Variants in UNC5D observed in about 807,000 individuals in gnomAD.
UNC5D encodes netrin receptor UNC5D.
A neutral mutation model predicts 105.4 loss-of-function variants in UNC5D; 39 were observed. The ratio of observed to expected loss-of-function variants is 0.37; its 90% CI spans 0.29 to 0.48. The LOEUF is 0.48. Among genes scored for constraint, UNC5D ranks in the 20% least tolerant of loss-of-function variants. UNC5D has a pLI of 0.98. For synonymous variants in UNC5D, 452 were observed against 450.4 expected, an observed-to-expected ratio of 1.00 and a Z score of -0.04; for missense variants, 991 against 1,202.4, an observed-to-expected ratio of 0.82 and a Z score of 2.60.
intron 1 of UNC5D, among the ~76,000 whole-genome samples, chr8:35,275,289 TAGA>T (rs1456502184): frequency 6.6e-6 from 1 of 151,938 alleles, no homozygotes; most frequent in Non-Finnish European, 1.5e-5. Context: ...AGACCTTGGG[TAGA>T]AGAAATCTAA....
At chr8:35,378,210 T>G (rs1802812915) in intron 1 of UNC5D, among the ~76,000 whole-genome samples, 1 of 152,222 alleles carries the variant, frequency 6.6e-6, no homozygotes, top group Non-Finnish European at 1.5e-5. Context: ...GTACACATGA[T>G]TTTTCAATAC....
intron 1 of UNC5D, among the ~76,000 whole-genome samples, chr8:35,507,101 G>A (rs1253994875): frequency 1.3e-4 from 17 of 134,450 alleles, no homozygotes; most frequent in Non-Finnish European, 2.4e-4. Flanking sequence ...TGTCGCCCAG[G>A]CTGGAGTGCA....
At chr8:35,773,570 A>G (rs1436783163) in intron 15 of UNC5D, among the ~76,000 whole-genome samples, 1 of 152,100 alleles carries the variant, frequency 6.6e-6, no homozygotes, top group Non-Finnish European at 1.5e-5. Flanking sequence ...CAGCCCATTC[A>G]CCATTAGTTA....
intron 1 of UNC5D, among the ~76,000 whole-genome samples, chr8:35,491,881 A>G (rs1224658050): frequency 1.3e-5 from 2 of 152,300 alleles, no homozygotes; most frequent in Non-Finnish European, 2.9e-5. Context: ...CAATTAGCTT[A>G]TGTGAGAATA....
At chr8:35,778,172 A>G (rs1454719104) in intron 16 of UNC5D, among the ~76,000 whole-genome samples, 1 of 152,238 alleles carries the variant, frequency 6.6e-6, no homozygotes, top group Non-Finnish European at 1.5e-5. Context: ...AAGTAAAATG[A>G]AATATTTTAA....
At chr8:35,673,107 A>G (rs1824935308) in intron 4 of UNC5D, among the ~76,000 whole-genome samples, 1 of 152,224 alleles carries the variant, frequency 6.6e-6, no homozygotes, top group Non-Finnish European at 1.5e-5. Context: ...TTTGTGATGC[A>G]TAATCAGATA....
chr8:35,570,681 C>T (rs1329770334), intron 3 of UNC5D, among the ~76,000 whole-genome samples: 7 of 151,924 alleles, frequency 4.6e-5, no homozygotes, highest in South Asian at 2.1e-4. Context: ...AGCCCGGGCA[C>T]GGTGGCTCAC....
At chr8:35,429,164 A>G (rs1806455427) in intron 1 of UNC5D, among the ~76,000 whole-genome samples, 1 of 152,176 alleles carries the variant, frequency 6.6e-6, no homozygotes, top group Non-Finnish European at 1.5e-5. Flanking sequence ...CAAAAGCTGC[A>G]ATAATCTTCA....
intron 9 of UNC5D, among the ~76,000 whole-genome samples, chr8:35,725,194 G>A (rs1828794170): frequency 6.6e-6 from 1 of 152,120 alleles, no homozygotes; most frequent in Non-Finnish European, 1.5e-5. Context: ...AGGCCCCAAA[G>A]GAAAATTGTT....
At chr8:35,523,085 G>GT (rs200458289) in intron 1 of UNC5D, among the ~76,000 whole-genome samples, 20,749 of 134,860 alleles carry the variant, frequency 0.15, 1,951 homozygotes, top group East Asian at 0.26. Flanking sequence ...CATTGTATTA[G>GT]TTTTTTTTTT....
chr8:35,488,901 G>T (rs1811008033), intron 1 of UNC5D, among the ~76,000 whole-genome samples: 1 of 152,136 alleles, frequency 6.6e-6, no homozygotes, highest in Non-Finnish European at 1.5e-5. Context: ...GATGGAATGA[G>T]TTTGGGTTAC....
chr8:35,497,880 A>T (rs1585982599), intron 1 of UNC5D, among the ~76,000 whole-genome samples: 1 of 151,492 alleles, frequency 6.6e-6, no homozygotes, highest in Non-Finnish European at 1.5e-5. Context: ...GACCAGCCTG[A>T]CCAACATGGA....
intron 15 of UNC5D, among the ~76,000 whole-genome samples, chr8:35,771,413 T>C (rs1802007190): frequency 6.6e-6 from 1 of 152,180 alleles, no homozygotes; most frequent in African/African-American, 2.4e-5. Flanking sequence ...TGTTAACTTG[T>C]ATAGAATCAA....
chr8:35,251,784 A>G (rs1803714468), intron 1 of UNC5D, among the ~76,000 whole-genome samples: 1 of 152,136 alleles, frequency 6.6e-6, no homozygotes, highest in Non-Finnish European at 1.5e-5. Flanking sequence ...ATAAGAGGCC[A>G]TATTTATGAA....
At chr8:35,677,983 T>C (rs1334183625) in intron 4 of UNC5D, among the ~76,000 whole-genome samples, 1 of 152,020 alleles carries the variant, frequency 6.6e-6, no homozygotes, top group East Asian at 1.9e-4. Context: ...TGTGTCTGTG[T>C]GTGTGTGTAT....
chr8:35,442,935 CA>C (rs368875383), intron 1 of UNC5D, among the ~76,000 whole-genome samples: 17 of 144,574 alleles, frequency 1.2e-4, no homozygotes, highest in African/African-American at 4.4e-4. Context: ...CACACACACA[CA>C]ACACACACAC....
rs542013708 is a variant in UNC5D, at chr8:35,693,165, A to G, written c.1084+6456A>G. On this transcript the variant is annotated intron_variant, in intron 7 of 16. Coordinates refer to ENST00000404895, the MANE Select transcript of UNC5D (RefSeq NM_080872.4). ...AAGAAAATAAAGCAGACATAGTGCAATATTCACGTGTCTTCGTGAAGGCTT... is the reference window on the plus strand; with the variant it reads ...AAGAAAATAAAGCAGACATAGTGCAGTATTCACGTGTCTTCGTGAAGGCTT... Among the ~76,000 whole-genome samples, 29 of 152,330 alleles carry G rather than the reference A, an allele frequency of 1.9e-4. No homozygotes were observed. The South Asian group carries it at 4.6e-3, about 24-fold the overall frequency.
At chr8:35,773,133 TATAATC>T (rs1222302468) in intron 15 of UNC5D, among the ~76,000 whole-genome samples, 1 of 152,224 alleles carries the variant, frequency 6.6e-6, no homozygotes, top group Non-Finnish European at 1.5e-5. Context: ...CCTTTTGTCT[TATAATC>T]ATGGAAGTGA....
chr8:35,594,315 G>A (rs1014103431), intron 3 of UNC5D, among the ~76,000 whole-genome samples: 1 of 152,184 alleles, frequency 6.6e-6, no homozygotes, highest in African/African-American at 2.4e-5. Flanking sequence ...TATTCATTGA[G>A]TGTTTTTGAC....
Sources: gnomAD v4.1 joint callset for allele counts (sites outside exome capture counted in the v4.1 genomes callset) on GRCh38, gnomAD v4.1.1 for gene constraint, MANE v1.5 for transcripts, NCBI Gene and HGNC (gene_info 2026-07-23, HGNC 2026-07-21) for gene names.